Variants in DHRSX observed in about 807,000 individuals in gnomAD.
The protein encoded by DHRSX is polyprenol dehydrogenase.
In DHRSX, 31 loss-of-function variants were observed where a neutral mutation model predicts 34.0. The ratio of observed to expected loss-of-function variants is 0.91; its 90% CI spans 0.69 to 1.23. The LOEUF (loss-of-function observed/expected upper bound fraction) is 1.23. Ranked by LOEUF, DHRSX falls within the 50% of genes most tolerant of loss-of-function variation. DHRSX has a pLI of 0.00. For missense variants in DHRSX, 414 were observed against 428.1 expected, an observed-to-expected ratio of 0.97 and a Z score of 0.29; for synonymous variants, 201 against 183.8, an observed-to-expected ratio of 1.09 and a Z score of -0.76.
chrX:2,463,365 A>G (rs1353307935), intron 1 of DHRSX, among the ~76,000 whole-genome samples: 2 of 152,158 alleles, frequency 1.3e-5, no homozygotes, highest in African/African-American at 4.8e-5. Context: ...GCACGAAGGC[A>G]GTGATGAATG....
chrX:2,238,601 GAGACGGAGTTT>G (rs2016069781), intron 6 of DHRSX, among the ~76,000 whole-genome samples: 1 of 119,130 alleles, frequency 8.4e-6, no homozygotes, highest in Non-Finnish European at 1.7e-5. Context: ...TTTTTTTTTT[GAGACGGAGTTT>G]CACTCTTTTC....
chrX:2,461,531 A>C (rs1473137803), intron 1 of DHRSX, among the ~76,000 whole-genome samples: 1 of 152,150 alleles, frequency 6.6e-6, no homozygotes, highest in Non-Finnish European at 1.5e-5. Context: ...ACTTCTGCTT[A>C]ATCATGAACT....
At chrX:2,243,518 C>G (rs182545527) in intron 5 of DHRSX, among the ~76,000 whole-genome samples, 4 of 151,970 alleles carry the variant, frequency 2.6e-5, no homozygotes, top group African/African-American at 7.2e-5. Context: ...CAGAGTCCCC[C>G]CTCTGTCGCC....
At chrX:2,240,183 C>T (rs959406075) in intron 6 of DHRSX, among the ~76,000 whole-genome samples, 7 of 151,884 alleles carry the variant, frequency 4.6e-5, no homozygotes, top group Admixed American at 1.3e-4. Context: ...GTCCCAGCTA[C>T]TCAGGAGGCT....
intron 3 of DHRSX, among the ~76,000 whole-genome samples, chrX:2,353,350 G>T (rs1478917405): frequency 6.6e-6 from 1 of 152,106 alleles, no homozygotes; most frequent in Non-Finnish European, 1.5e-5. Context: ...GAACTCAGGT[G>T]CTGTCCTCAT....
chrX:2,249,728 T>C (rs890286459), intron 5 of DHRSX, among the ~76,000 whole-genome samples: 3 of 151,396 alleles, frequency 2.0e-5, no homozygotes, highest in African/African-American at 7.3e-5. Context: ...GTCACTGTGT[T>C]GGCCAGGCCA....
chrX:2,337,534 T>G (rs2042584274), intron 3 of DHRSX, among the ~76,000 whole-genome samples: 1 of 152,072 alleles, frequency 6.6e-6, no homozygotes, highest in African/African-American at 2.4e-5. Context: ...GATGCGAATT[T>G]ATTTCCACAC....
At chrX:2,496,199 T>G (rs4892843) in intron 1 of DHRSX, among the ~76,000 whole-genome samples, 1,647 of 152,268 alleles carry the variant, frequency 0.011, 43 homozygotes, top group East Asian at 0.086. Flanking sequence ...TTTGTTTTTT[T>G]GTTTTTTTGG....
At chrX:2,436,463 A>ATTATTATTG (rs2043992611) in intron 1 of DHRSX, among the ~76,000 whole-genome samples, 1 of 123,866 alleles carries the variant, frequency 8.1e-6, no homozygotes, top group South Asian at 3.0e-4. Context: ...GCAGCAACAT[A>ATTATTATTG]TTATTATTAT....
chrX:2,467,536 G>A (rs764636612), intron 1 of DHRSX, among the ~76,000 whole-genome samples: 2 of 152,124 alleles, frequency 1.3e-5, no homozygotes, highest in South Asian at 2.1e-4. Context: ...GACTGAAACA[G>A]GGACAATGTG....
chrX:2,368,589 C>T lies in DHRSX; in HGVS notation c.286+40156G>A, dbSNP rs369724798. 2.6e-5 allele frequency among the ~76,000 whole-genome samples: 4 copies of T among 152,146 alleles called. No individual in the cohort carries two copies. In the East Asian group the frequency reaches 7.7e-4, roughly 29 times the overall value. ...TTGAGGCCAGGCGCGGAAGCTCACG[C>T]CTGTAATCCCAGCAGTTTGGGAGGC... On this transcript the variant is annotated intron_variant, in intron 3 of 6. Coordinates refer to ENST00000334651, the MANE Select transcript of DHRSX (RefSeq NM_145177.3).
At chrX:2,350,271 A>C (rs2042773922) in intron 3 of DHRSX, among the ~76,000 whole-genome samples, 1 of 151,858 alleles carries the variant, frequency 6.6e-6, no homozygotes, top group Non-Finnish European at 1.5e-5. Flanking sequence ...GAATCATTTG[A>C]ACTTGGGAGG....
intron 6 of DHRSX, among the ~76,000 whole-genome samples, chrX:2,231,922 CTA>C (rs1462691054): frequency 6.7e-6 from 1 of 150,234 alleles, no homozygotes; most frequent in African/African-American, 2.5e-5. Context: ...TTCTTTTCCT[CTA>C]TCTTTCTCTT....
intron 3 of DHRSX, among the ~76,000 whole-genome samples, chrX:2,363,413 A>G (rs2042959116): frequency 7.2e-6 from 1 of 138,704 alleles, no homozygotes; most frequent in Non-Finnish European, 1.6e-5. Context: ...CTATGGTATC[A>G]TGCCGCCATT....
intron 3 of DHRSX, among the ~76,000 whole-genome samples, chrX:2,392,196 G>A (rs967748489): frequency 2.6e-5 from 4 of 152,058 alleles, no homozygotes; most frequent in African/African-American, 9.7e-5. Context: ...GGTCAGGGAG[G>A]GTGACGCTAC....
intron 6 of DHRSX, among the ~76,000 whole-genome samples, chrX:2,225,174 GCA>G (rs199831901): frequency 0.012 from 1,531 of 123,592 alleles, 36 homozygotes; most frequent in African/African-American, 0.045. Flanking sequence ...ACTCACACAC[GCA>G]CACAGCTCAC....
chrX:2,430,203 G>A (rs1197675385), intron 1 of DHRSX, among the ~76,000 whole-genome samples: 1 of 145,058 alleles, frequency 6.9e-6, no homozygotes, highest in Non-Finnish European at 1.5e-5. Flanking sequence ...AACGCACAGT[G>A]AGCCGTGATT....
At chrX:2,349,665 C>T (rs1170908711) in intron 3 of DHRSX, among the ~76,000 whole-genome samples, 17 of 151,536 alleles carry the variant, frequency 1.1e-4, no homozygotes, top group Admixed American at 3.3e-4. Context: ...CCAGACTGGG[C>T]GACAGAGTGA....
At chrX:2,429,031 C>T (rs189230494) in intron 1 of DHRSX, among the ~76,000 whole-genome samples, 38 of 152,216 alleles carry the variant, frequency 2.5e-4, no homozygotes, top group African/African-American at 8.4e-4. Context: ...TTGATACACG[C>T]ATGAATCGAT....
Sources: allele counts gnomAD v4.1 joint callset (sites outside exome capture counted in the v4.1 genomes callset), GRCh38; gene constraint gnomAD v4.1.1; transcripts MANE v1.5; gene names NCBI Gene and HGNC (gene_info 2026-07-23, HGNC 2026-07-21).